The following C4BPA variants were observed in gnomAD, a reference collection of about 807,000 sequenced individuals.
C4BPA encodes the protein complement component 4 binding protein alpha, also known as C4b-binding protein alpha chain.
A neutral mutation model predicts 63.7 loss-of-function variants in C4BPA; 31 were observed. That is an observed-to-expected ratio of 0.49 (90% CI 0.37 to 0.66). The LOEUF (loss-of-function observed/expected upper bound fraction) is 0.66, where lower values mean the gene tolerates loss of function less well. Among genes scored for constraint, C4BPA ranks in the 30% least tolerant of loss-of-function variants. C4BPA has a pLI of 0.00. For synonymous variants in C4BPA, 259 were observed against 254.7 expected (o/e 1.02, Z -0.16); for missense variants, 572 against 723.3 (o/e 0.79, Z 2.40).
intron 6 of C4BPA, among the ~76,000 whole-genome samples, chr1:207,125,626 G>A (rs1432239207): frequency 6.6e-6 from 1 of 152,130 alleles, no homozygotes; most frequent in African/African-American, 2.4e-5. Flanking sequence ...CTTCCCCCAT[G>A]TGAGGACGCA....
At chr1:207,105,812 T>G (rs1435491226) in intron 1 of C4BPA, among the ~76,000 whole-genome samples, 1 of 152,172 alleles carries the variant, frequency 6.6e-6, no homozygotes, top group African/African-American at 2.4e-5. Flanking sequence ...ACTAAAGATT[T>G]TTCCAGTGAC....
At chr1:207,143,162 A>G (rs1685457600) in intron 10 of C4BPA, among the ~76,000 whole-genome samples, 1 of 152,238 alleles carries the variant, frequency 6.6e-6, no homozygotes, top group South Asian at 2.1e-4. Context: ...GCCATAAAAA[A>G]GAATGAGTTC....
At chr1:207,121,046 G>T (rs1684911186) in intron 4 of C4BPA, among the ~76,000 whole-genome samples, 1 of 152,196 alleles carries the variant, frequency 6.6e-6, no homozygotes, top group East Asian at 1.9e-4. Flanking sequence ...GGGCTCAATG[G>T]ATTCTCTTGC....
chr1:207,134,374 T>C, intron 8 of C4BPA, 30 bp from the exon 9 acceptor site: 1 of 1,553,058 alleles, frequency 6.4e-7, no homozygotes, highest in South Asian at 1.2e-5. Flanking sequence ...GTGATTTTAC[T>C]AACCATGCAC....
chr1:207,132,300 G>A (rs905071239), intron 8 of C4BPA, among the ~76,000 whole-genome samples: 1 of 152,174 alleles, frequency 6.6e-6, no homozygotes, highest in Non-Finnish European at 1.5e-5. Context: ...GGTAGGAGAC[G>A]CACCTCTTTT....
Position 207,144,691 on chromosome 1 carries a change from C to T in C4BPA, c.1768C>T (p.Gln590Ter). 1 of 1,607,846 alleles carries T rather than the reference C, an allele frequency of 6.2e-7. No individual in the cohort carries two copies. The highest frequency in any genetic ancestry group is 1.1e-5 in the South Asian group (1 of 89,632). ...GGAACTACAGAGAGACAGCGCAAGACAATCCACTTTGGATAAAGAACTATA... is the reference window on the plus strand; with the variant it reads ...GGAACTACAGAGAGACAGCGCAAGATAATCCACTTTGGATAAAGAACTATA... ...QLELQRDSARQSTLDKEL is the reference protein window; with the variant it reads ...QLELQRDSAR The change falls in exon 12 of 12, where the codon CAA becomes TAA. Residue 590 changes from glutamine (Q) to a stop codon, truncating the protein, a stop_gained. Coordinates refer to ENST00000367070, the MANE Select transcript of C4BPA (RefSeq NM_000715.4). LOFTEE classifies it low-confidence loss of function (END_TRUNC).
At chr1:207,140,087 G>T (rs1465752859) in intron 9 of C4BPA, among the ~76,000 whole-genome samples, 1 of 152,128 alleles carries the variant, frequency 6.6e-6, no homozygotes, top group African/African-American at 2.4e-5. Context: ...TCATTATAAT[G>T]GTTGCATTTA....
At chr1:207,127,396 A>G (rs1251702713) in intron 7 of C4BPA, 2 of 152,244 alleles carry the variant, frequency 1.3e-5, no homozygotes, top group African/African-American at 4.8e-5. Context: ...TAATAATGAT[A>G]ACTTGGCACT....
chr1:207,140,740 C>G (rs1685396724), intron 9 of C4BPA, among the ~76,000 whole-genome samples: 4 of 152,312 alleles, frequency 2.6e-5, no homozygotes, highest in Admixed American at 6.5e-5. Flanking sequence ...AACATCCTTA[C>G]AGTTTCTCAC....
intron 1 of C4BPA, among the ~76,000 whole-genome samples, chr1:207,109,286 T>A (rs978037795): frequency 1.3e-5 from 2 of 152,230 alleles, no homozygotes; most frequent in African/African-American, 4.8e-5. Flanking sequence ...ATTGCAATTT[T>A]AAATCATTAT....
chr1:207,118,216 T>TATCTATC (rs1192793834), intron 4 of C4BPA, among the ~76,000 whole-genome samples: 2 of 144,386 alleles, frequency 1.4e-5, no homozygotes, highest in Non-Finnish European at 3.0e-5. Context: ...ATCATCTGTC[T>TATCTATC]ATCTATCTAT....
Position 207,123,998 on chromosome 1 carries a change from C to G in C4BPA, c.505C>G (p.Gln169Glu). The change falls in exon 5 of 12, where the codon CAA (glutamine) becomes GAA (glutamate). Residue 169 changes from glutamine (Q) to glutamate (E), a missense_variant. By Grantham distance (29) the Gln-to-Glu change is conservative (BLOSUM62 2). Coordinates refer to ENST00000367070, the MANE Select transcript of C4BPA (RefSeq NM_000715.4). ...RGVGWSHPLP[Q>E]CEIVKCKPPP... ...AGTTGGCTGGAGTCATCCTCTCCCACAATGTGAAAGTAAGTAAAGACTCTT... is the reference window on the plus strand; with the variant it reads ...AGTTGGCTGGAGTCATCCTCTCCCAGAATGTGAAAGTAAGTAAAGACTCTT... 2 of 1,607,470 alleles carry G rather than the reference C, an allele frequency of 1.2e-6. No homozygotes were observed. Among genetic ancestry groups the G allele is most frequent in the Non-Finnish European group, 1.7e-6 (2 of 1,174,866 alleles).
intron 4 of C4BPA, among the ~76,000 whole-genome samples, chr1:207,120,582 T>C (rs1368137608): frequency 6.6e-6 from 1 of 152,016 alleles, no homozygotes; most frequent in Non-Finnish European, 1.5e-5. Flanking sequence ...CTGAGCAACA[T>C]AGCGAAACCC....
At chr1:207,111,477 T>C (rs1684666688) in intron 1 of C4BPA, among the ~76,000 whole-genome samples, 1 of 152,200 alleles carries the variant, frequency 6.6e-6, no homozygotes. Flanking sequence ...GGTGGAGGGA[T>C]GGCTTCATCA....
chr1:207,114,395 C>A, intron 3 of C4BPA, 110 bp downstream of exon 3: 1 of 801,360 alleles, frequency 1.2e-6, no homozygotes. Flanking sequence ...TTGTCAATTA[C>A]TGATTTCAAT....
Position 207,119,720 on chromosome 1 carries a change from A to G in C4BPA, c.429-4202A>G. On this transcript the variant is annotated intron_variant, in intron 4 of 11. Coordinates refer to ENST00000367070, the MANE Select transcript of C4BPA (RefSeq NM_000715.4). The stretch of plus-strand genomic sequence containing the variant: ...CAAACACATCTTATACAGTAGGGGA[A>G]GGAAAGGGGTAAAAAGAAACACAAT... Among the ~76,000 whole-genome samples, 2 of 92,928 alleles carry G rather than the reference A, an allele frequency of 2.2e-5. 1 individual carries two copies. Among genetic ancestry groups the G allele is most frequent in the Non-Finnish European group, 5.3e-5 (2 of 37,472 alleles). The allele number at this position is 92,928 out of a possible 152,430, so 61.0% of individuals were successfully genotyped here. A position where few individuals can be genotyped will look rare whatever the true frequency, so the allele number is the denominator to read the frequency against.
chr1:207,143,600 A>AG, intron 10 of C4BPA, among the ~76,000 whole-genome samples: 1 of 152,232 alleles, frequency 6.6e-6, no homozygotes. Context: ...CTCATTTCAT[A>AG]GGGCTGCCAG....
intron 1 of C4BPA, among the ~76,000 whole-genome samples, chr1:207,109,712 G>A (rs1182092719): frequency 6.6e-6 from 1 of 152,226 alleles, no homozygotes; most frequent in Admixed American, 6.5e-5. Context: ...GCATTTGTCT[G>A]TATCTCCTGT....
At chr1:207,118,113 CTATCATCT>C (rs966211961) in intron 4 of C4BPA, among the ~76,000 whole-genome samples, 21 of 29,046 alleles carry the variant, frequency 7.2e-4, no homozygotes, top group African/African-American at 1.3e-3. Flanking sequence ...ACTAGTTTAT[CTATCATCT>C]ATCTATCATC....
Sources: allele counts gnomAD v4.1 joint callset (sites outside exome capture counted in the v4.1 genomes callset), GRCh38; gene constraint gnomAD v4.1.1; transcripts MANE v1.5; gene names NCBI Gene and HGNC (gene_info 2026-07-23, HGNC 2026-07-21).